Variants in ADAMTSL1 observed in about 807,000 individuals in gnomAD.
ADAMTSL1 encodes ADAMTS like 1.
In ADAMTSL1, 126 loss-of-function variants were observed where a neutral mutation model predicts 201.8. The ratio of observed to expected loss-of-function variants is 0.62; its 90% CI spans 0.54 to 0.72. The LOEUF is 0.72. Among genes scored for constraint, ADAMTSL1 ranks in the 30% least tolerant of loss-of-function variants. The probability of loss-of-function intolerance (pLI) is 0.00; values close to 1 mark genes in which losing one functional copy is unlikely to be tolerated. For synonymous variants in ADAMTSL1, 1,121 were observed against 903.4 expected (o/e 1.24, Z -4.32); for missense variants, 2,679 against 2,277.8 (o/e 1.18, Z -3.59).
intron 1 of ADAMTSL1, among the ~76,000 whole-genome samples, chr9:17,979,838 A>G (rs1191151838): frequency 2.0e-5 from 3 of 152,118 alleles, no homozygotes; most frequent in Admixed American, 2.0e-4. Context: ...GGTGGGGTCC[A>G]TGAGCATGCC....
rs368355173 is a variant in ADAMTSL1, at chr9:18,418,956, G to T, written c.208-85873G>T. Among the ~76,000 whole-genome samples, 14 of 152,360 alleles carry T rather than the reference G, an allele frequency of 9.2e-5. No individual in the cohort carries two copies. In the South Asian group the frequency reaches 2.7e-3, roughly 29 times the overall value. ...TAATACTTACTATAAAGCTTCAGTT[G>T]TCAAGACAGGGTGGTATCGGCAAAG... is the stretch of plus-strand genomic sequence containing the variant. On this transcript the variant is annotated intron_variant, in intron 2 of 29. Coordinates refer to the ADAMTSL1 transcript ENST00000680146.
chr9:18,659,974 C>G (rs1422329367), intron 8 of ADAMTSL1, among the ~76,000 whole-genome samples: 1 of 151,802 alleles, frequency 6.6e-6, no homozygotes, highest in Non-Finnish European at 1.5e-5. Flanking sequence ...GTTATATGCA[C>G]ACATAGAGCT....
intron 2 of ADAMTSL1, among the ~76,000 whole-genome samples, chr9:18,308,878 G>A (rs111539966): frequency 0.069 from 10,412 of 151,890 alleles, 1,160 homozygotes; most frequent in African/African-American, 0.24. Context: ...CAGAGACATA[G>A]CAAAAAAAGA....
At chr9:18,353,764 A>G (rs1165016709) in intron 2 of ADAMTSL1, among the ~76,000 whole-genome samples, 1 of 152,150 alleles carries the variant, frequency 6.6e-6, no homozygotes, top group Non-Finnish European at 1.5e-5. Flanking sequence ...AGAGGTTGCC[A>G]TCTTTGTGTG....
At chr9:18,364,651 GCTAT>G in intron 2 of ADAMTSL1, among the ~76,000 whole-genome samples, 1 of 74,304 alleles carries the variant, frequency 1.3e-5, no homozygotes, top group South Asian at 5.8e-4. Context: ...TTCTTGTACT[GCTAT>G]AAAGAAATAC....
chr9:18,562,914 GTC>G (rs1369558063), intron 3 of ADAMTSL1, among the ~76,000 whole-genome samples: 2 of 152,094 alleles, frequency 1.3e-5, no homozygotes, highest in Non-Finnish European at 2.9e-5. Flanking sequence ...TTAGCATTTT[GTC>G]TAACATTTTT....
chr9:18,088,225 C>A (rs913149786), intron 1 of ADAMTSL1, among the ~76,000 whole-genome samples: 2 of 152,120 alleles, frequency 1.3e-5, no homozygotes, highest in East Asian at 3.9e-4. Flanking sequence ...GTATCTCTAT[C>A]TTCATATACA....
chr9:18,508,578 T>C (rs1817822501), intron 2 of ADAMTSL1, among the ~76,000 whole-genome samples: 1 of 152,234 alleles, frequency 6.6e-6, no homozygotes, highest in South Asian at 2.1e-4. Context: ...GATCTTTCAC[T>C]ATTAACAGAA....
At chr9:18,191,680 C>G (rs1361643577) in intron 2 of ADAMTSL1, among the ~76,000 whole-genome samples, 1 of 152,138 alleles carries the variant, frequency 6.6e-6, no homozygotes, top group African/African-American at 2.4e-5. Context: ...GCCCAACTTC[C>G]ACAAATTTCC....
chr9:18,246,713 C>T (rs868574670), intron 2 of ADAMTSL1, among the ~76,000 whole-genome samples: 3 of 152,228 alleles, frequency 2.0e-5, no homozygotes, highest in African/African-American at 7.2e-5. Flanking sequence ...AATACTCTTC[C>T]ATATGTTTTA....
At position 18,536,275 on chromosome 9, in the gene ADAMTSL1, C is replaced by T. The variant is rs574953859; in HGVS notation, c.237+2983C>T. On this transcript the variant is annotated intron_variant, in intron 3 of 28. Coordinates refer to ENST00000380548, the MANE Select transcript of ADAMTSL1 (RefSeq NM_001040272.6). ...TGAGAGTCTCTTAGCTAAATCTCCA[C>T]GGTCATCTTTAATCCCTGGACAGCT... 1.4e-4 allele frequency among the ~76,000 whole-genome samples: 21 copies of T among 152,258 alleles called. 1 individual carries two copies. The highest frequency in any genetic ancestry group is 3.4e-3 in the Middle Eastern group (1 of 294).
rs550440611 is a variant in ADAMTSL1 at position 18,215,481 on chromosome 9, T to C, written c.207+51500T>C. On this transcript the variant is annotated intron_variant, in intron 2 of 29. Transcript: ENST00000680146. ...TGTTTATGACTCATCTATACATTAC[T>C]GGCCTGTCAAAAGAACTGCTGACAT... Among the ~76,000 whole-genome samples the C allele has an allele frequency of 2.6e-5, 4 of 152,328 alleles. No homozygotes were observed. In the East Asian group the frequency reaches 7.7e-4, roughly 29 times the overall value.
intron 2 of ADAMTSL1, among the ~76,000 whole-genome samples, chr9:18,400,595 C>T (rs1006073393): frequency 5.3e-5 from 8 of 152,150 alleles, no homozygotes; most frequent in African/African-American, 1.9e-4. Flanking sequence ...TGCAATTGTA[C>T]ATAGAATACG....
At chr9:18,440,164 T>TA (rs1028251445) in intron 2 of ADAMTSL1, among the ~76,000 whole-genome samples, 72 of 152,178 alleles carry the variant, frequency 4.7e-4, no homozygotes, top group Admixed American at 4.7e-3. Context: ...ATTATGCTTT[T>TA]ACACATACAG....
chr9:18,523,513 G>T (rs903108956), intron 2 of ADAMTSL1, among the ~76,000 whole-genome samples: 1 of 152,126 alleles, frequency 6.6e-6, no homozygotes, highest in African/African-American at 2.4e-5. Context: ...TGAAGTCCTT[G>T]CCCATGCCTA....
At chr9:18,810,833 T>C (rs1362853732) in intron 20 of ADAMTSL1, among the ~76,000 whole-genome samples, 1 of 151,900 alleles carries the variant, frequency 6.6e-6, no homozygotes, top group Non-Finnish European at 1.5e-5. Context: ...TAAGTACCAC[T>C]AAAGGCCCTG....
chr9:18,490,917 C>G (rs1046822980), intron 1 of ADAMTSL1, among the ~76,000 whole-genome samples: 4 of 152,052 alleles, frequency 2.6e-5, no homozygotes, highest in African/African-American at 9.7e-5. Context: ...GTTAGCCTTT[C>G]AAGAAGTTTA....
chr9:18,856,426 A>G lies in ADAMTSL1; in HGVS notation c.4249+26449A>G, dbSNP rs181807142. Among the ~76,000 whole-genome samples, 98 of 151,176 alleles carry G rather than the reference A, an allele frequency of 6.5e-4. 1 individual carries two copies. The highest frequency in any genetic ancestry group is 1.8e-3 in the African/African-American group (76 of 41,204). The stretch of plus-strand genomic sequence containing the variant: ...TTTTAGTCTTATTGTTGACATAGCA[A>G]TGATAAACTGGTTGTTGCCAAATGA... On this transcript the variant is annotated intron_variant, in intron 23 of 28. Coordinates refer to ENST00000380548, the MANE Select transcript of ADAMTSL1 (RefSeq NM_001040272.6).
chr9:18,626,992 T>G (rs1826429739), intron 5 of ADAMTSL1, among the ~76,000 whole-genome samples: 1 of 151,764 alleles, frequency 6.6e-6, no homozygotes, highest in Non-Finnish European at 1.5e-5. Flanking sequence ...TTTTCTTTTA[T>G]TGAAACAGGG....
Sources: gnomAD v4.1 joint callset for allele counts (sites outside exome capture counted in the v4.1 genomes callset) on GRCh38, gnomAD v4.1.1 for gene constraint, MANE v1.5 for transcripts, NCBI Gene and HGNC (gene_info 2026-07-23, HGNC 2026-07-21) for gene names.